Variants in MAP3K4 observed in about 807,000 individuals in gnomAD.
MAP3K4 encodes the protein MAP three kinase 1.
A neutral mutation model predicts 185.6 loss-of-function variants in MAP3K4; 67 were observed. That is an observed-to-expected ratio of 0.36 (90% CI 0.30 to 0.44). The LOEUF (loss-of-function observed/expected upper bound fraction) is 0.44. Ranked by LOEUF, MAP3K4 falls within the 20% of genes least tolerant of loss-of-function variation. MAP3K4 has a pLI of 1.00. For missense variants in MAP3K4, 1,551 were observed against 1,995.1 expected (o/e 0.78, Z 4.24); for synonymous variants, 702 against 710.4 (o/e 0.99, Z 0.19).
chr6:161,049,822 T>C lies in MAP3K4; in HGVS notation c.1550T>C (p.Phe517Ser). Residue 517 changes from phenylalanine (F) to serine (S), a missense_variant, in exon 3 of 27, where the codon TTT becomes TCT. Physicochemically the swap from Phe to Ser is radical, Grantham distance 155. Transcript: ENST00000392142. This position sits in a 1 kb window ranked among gnomAD's most constrained non-coding sequence, Gnocchi z 8.4. ...CCAGACTGGAGCACAGAAGCAGGCT[T>C]TAGTAGACATTGTCTGACTTCTATT... ...GAPDWSTEAG[F>S]SRHCLTSIYR... 1 of 1,614,104 alleles carries C rather than the reference T, an allele frequency of 6.2e-7. No individual in the cohort carries two copies. The highest frequency in any genetic ancestry group is 2.2e-5 in the East Asian group (1 of 44,874).
rs1476420131 is a variant in MAP3K4 at position 161,107,725 on chromosome 6, T to C, written c.4049-174T>C. On this transcript the variant is annotated intron_variant, in intron 20 of 26. Coordinates refer to ENST00000392142, the MANE Select transcript of MAP3K4 (RefSeq NM_005922.4). The surrounding 1 kb of genome is among the most constrained non-coding windows in gnomAD (Gnocchi z 6.2). ...TAAAGAGATTGCCTAAAACTTTAGT[T>C]ATCAGGGAACATTTAGAAAAATTTT... Among the ~76,000 whole-genome samples, 1 of 152,238 alleles carries C rather than the reference T, an allele frequency of 6.6e-6. No homozygotes were observed. The highest frequency in any genetic ancestry group is 1.5e-5 in the Non-Finnish European group (1 of 68,040).
Position 161,116,069 on chromosome 6 carries a change from A to C in MAP3K4, c.4806+767A>C, listed in dbSNP as rs1778580762. Among the ~76,000 whole-genome samples the C allele has an allele frequency of 6.6e-6, 1 of 152,136 alleles. No individual in the cohort carries two copies. On this transcript the variant is annotated intron_variant, in intron 26 of 26. Coordinates refer to ENST00000392142, the MANE Select transcript of MAP3K4 (RefSeq NM_005922.4). The surrounding 1 kb of genome is among the most constrained non-coding windows in gnomAD (Gnocchi z 6.2). ...GAGTGAACAGCGGCATTTAAGAGTTAGAGTGCCGTGGCTGACCCCTGATTG... is the reference window on the plus strand; with the variant it reads ...GAGTGAACAGCGGCATTTAAGAGTTCGAGTGCCGTGGCTGACCCCTGATTG...
chr6:161,002,357 G>C (rs1321205254), intron 1 of MAP3K4, among the ~76,000 whole-genome samples: 2 of 151,938 alleles, frequency 1.3e-5, no homozygotes, highest in African/African-American at 4.8e-5. Flanking sequence ...TTTTCAAATT[G>C]ATCTAGCCAC....
Position 161,048,378 on chromosome 6 carries a change from G to A in MAP3K4, c.344-238G>A, listed in dbSNP as rs1783836561. ...AATAAACAGCTAGTTTAGGTAATTA[G>A]TTGTGAATATAAGAGAATACAGCAA... On this transcript the variant is annotated intron_variant, in intron 2 of 26. Transcript: ENST00000392142. The surrounding 1 kb of genome is among the most constrained non-coding windows in gnomAD (Gnocchi z 4.7). The A allele has an allele frequency of 1.5e-6, 1 of 657,298 alleles. No homozygotes were observed. Among genetic ancestry groups the A allele is most frequent in the Non-Finnish European group, 2.8e-6 (1 of 355,742 alleles). The allele number at this position is 657,298 out of a possible 1,614,324, so 40.7% of individuals were successfully genotyped here.
intron 19 of MAP3K4, among the ~76,000 whole-genome samples, chr6:161,105,551 C>T (rs1165604453): frequency 1.3e-5 from 2 of 152,198 alleles, no homozygotes; most frequent in African/African-American, 4.8e-5. Context: ...AGGGAAAATC[C>T]TTCTCATCAG....
At chr6:161,055,562 T>G (rs994986652) in intron 3 of MAP3K4, among the ~76,000 whole-genome samples, 1 of 152,226 alleles carries the variant, frequency 6.6e-6, no homozygotes, top group Non-Finnish European at 1.5e-5. Context: ...TTAACTAAAC[T>G]ACAGACTTTT....
chr6:161,079,707 G>C (rs1161956813), intron 5 of MAP3K4, among the ~76,000 whole-genome samples: 1 of 152,160 alleles, frequency 6.6e-6, no homozygotes, highest in Non-Finnish European at 1.5e-5. Flanking sequence ...TCTGAGCCTC[G>C]TGTTGAGGAC....
At chr6:160,992,609 G>A (rs1780784805) in intron 1 of MAP3K4, among the ~76,000 whole-genome samples, 2 of 152,122 alleles carry the variant, frequency 1.3e-5, no homozygotes, top group South Asian at 4.1e-4. Flanking sequence ...CTTAGACTAT[G>A]CAGACAGATA....
rs973882075 is a variant in MAP3K4 at position 161,096,880 on chromosome 6, A to G, written c.3428-200A>G. ...TTGATGGAGAAAACTGTTAATATAT[A>G]ATAGGGCTTTACTGACTTTTAAAAA... On this transcript the variant is annotated intron_variant, in intron 15 of 26. Transcript: ENST00000392142. This position sits in a 1 kb window ranked among gnomAD's most constrained non-coding sequence, Gnocchi z 4.9. 10 of 497,502 alleles carry G rather than the reference A, an allele frequency of 2.0e-5. No individual in the cohort carries two copies. The highest frequency in any genetic ancestry group is 1.6e-4 in the Admixed American group (5 of 30,840). The allele number at this position is 497,502 out of a possible 1,614,324, so 30.8% of individuals were successfully genotyped here. A position where few individuals can be genotyped will look rare whatever the true frequency, so the allele number is the denominator to read the frequency against.
chr6:161,101,370 A>G lies in MAP3K4; in HGVS notation c.3675-522A>G, dbSNP rs535891742. 1.3e-5 allele frequency: 2 copies of G among 152,196 alleles called. No homozygotes were observed. Among genetic ancestry groups the G allele is most frequent in the African/African-American group, 4.8e-5 (2 of 41,416 alleles). The allele number at this position is 152,196 out of a possible 1,614,324, so 9.4% of individuals were successfully genotyped here. On this transcript the variant is annotated intron_variant, in intron 17 of 26. Coordinates refer to ENST00000392142, the MANE Select transcript of MAP3K4 (RefSeq NM_005922.4). This position sits in a 1 kb window ranked among gnomAD's most constrained non-coding sequence, Gnocchi z 5.1. ...ATCTTTTGGACCATGAAATGATTTTAGTACTTTAAATGTAATTAAGTACAT... is the reference window on the plus strand; with the variant it reads ...ATCTTTTGGACCATGAAATGATTTTGGTACTTTAAATGTAATTAAGTACAT...
At chr6:161,029,841 T>TTTTG (rs112353353) in intron 1 of MAP3K4, among the ~76,000 whole-genome samples, 4,111 of 152,218 alleles carry the variant, frequency 0.027, 120 homozygotes, top group African/African-American at 0.072. Context: ...TGTATAAGTG[T>TTTTG]TTTGTTTGTT....
rs976456364 is a variant in MAP3K4, at chr6:161,071,818, T to C, written c.1950+968T>C. ...CTGGTTATTGTCGTGCTGTCCACTT[T>C]GGCCTTGCTTTTAACTCATCCTCAT... is the stretch of plus-strand genomic sequence containing the variant. On this transcript the variant is annotated intron_variant, in intron 4 of 26. Transcript: ENST00000392142. This position sits in a 1 kb window ranked among gnomAD's most constrained non-coding sequence, Gnocchi z 4.6. Among the ~76,000 whole-genome samples, 1 of 152,222 alleles carries C rather than the reference T, an allele frequency of 6.6e-6. No individual in the cohort carries two copies. The highest frequency in any genetic ancestry group is 1.5e-5 in the Non-Finnish European group (1 of 68,038).
At chr6:161,052,811 G>C (rs1784064901) in intron 3 of MAP3K4, among the ~76,000 whole-genome samples, 2 of 151,956 alleles carry the variant, frequency 1.3e-5, no homozygotes, top group South Asian at 4.2e-4. Context: ...CGTTTTATTT[G>C]GTATGTCAGG....
rs1440310546 is a variant in MAP3K4, at chr6:161,103,122, T to TA, written c.3856+344dup. On this transcript the variant is annotated intron_variant, in intron 19 of 26. Coordinates refer to ENST00000392142, the MANE Select transcript of MAP3K4 (RefSeq NM_005922.4). The surrounding 1 kb of genome is among the most constrained non-coding windows in gnomAD (Gnocchi z 4.6). The stretch of plus-strand genomic sequence containing the variant: ...AAATTAGACATTGAGGGAAAGAACT[T>TA]ACGAAGCATGTGATTAATATTATCA... 1.5e-4 allele frequency among the ~76,000 whole-genome samples: 23 copies of TA among 152,342 alleles called. No homozygotes were observed. In the East Asian group the frequency reaches 2.1e-3, roughly 14 times the overall value.
rs1778253873 is a variant in MAP3K4 at position 161,109,562 on chromosome 6, G to T, written c.4237-193G>T. On this transcript the variant is annotated intron_variant, in intron 22 of 26. Coordinates refer to ENST00000392142, the MANE Select transcript of MAP3K4 (RefSeq NM_005922.4). The surrounding 1 kb of genome is among the most constrained non-coding windows in gnomAD (Gnocchi z 5.7). ...AGCTGTATAATTCCAGACAGAGGAG[G>T]CAGGCAGACACCTCTATAGAGGACT... Among the ~76,000 whole-genome samples, 1 of 152,124 alleles carries T rather than the reference G, an allele frequency of 6.6e-6. No individual in the cohort carries two copies. The highest frequency in any genetic ancestry group is 1.5e-5 in the Non-Finnish European group (1 of 68,006).
intron 2 of MAP3K4, among the ~76,000 whole-genome samples, chr6:161,035,545 T>G (rs1263532866): frequency 1.3e-5 from 2 of 151,934 alleles, no homozygotes. Context: ...CAGGAAAGAG[T>G]CTTTCCCACA....
intron 1 of MAP3K4, among the ~76,000 whole-genome samples, chr6:161,029,266 G>T (rs989572878): frequency 6.6e-6 from 1 of 151,928 alleles, no homozygotes; most frequent in Admixed American, 6.6e-5. Context: ...TGGGGGGCAG[G>T]GGTGGCTTTT....
At chr6:161,057,709 A>T (rs931182669) in intron 3 of MAP3K4, among the ~76,000 whole-genome samples, 1 of 152,206 alleles carries the variant, frequency 6.6e-6, no homozygotes, top group African/African-American at 2.4e-5. Context: ...CTTTAAGATC[A>T]TGCTGCTTAA....
chr6:161,103,574 A>G lies in MAP3K4; in HGVS notation c.3856+795A>G, dbSNP rs187260500. Among the ~76,000 whole-genome samples, 177 of 152,298 alleles carry G rather than the reference A, an allele frequency of 1.2e-3. No homozygotes were observed. Among genetic ancestry groups the G allele is most frequent in the African/African-American group, 4.0e-3 (166 of 41,570 alleles). On this transcript the variant is annotated intron_variant, in intron 19 of 26. Transcript: ENST00000392142. The surrounding 1 kb of genome is among the most constrained non-coding windows in gnomAD (Gnocchi z 4.6). ...GGAGAGCCACTGGGCGCAGATGCCA[A>G]TGCAGGAGAAACTGGAGAGTGAGGG...
Sources: allele counts gnomAD v4.1 joint callset (sites outside exome capture counted in the v4.1 genomes callset), GRCh38; gene constraint gnomAD v4.1.1; non-coding constraint Gnocchi (gnomAD v3.1); transcripts MANE v1.5; gene names NCBI Gene and HGNC (gene_info 2026-07-23, HGNC 2026-07-21).